Variants in LHFPL2 observed in about 807,000 individuals in gnomAD.
The protein encoded by LHFPL2 is LHFPL tetraspan subfamily member 2.
Under a neutral mutation model 17.5 loss-of-function variants are expected in LHFPL2, and 7 were observed. The ratio of observed to expected loss-of-function variants is 0.40; its 90% CI spans 0.23 to 0.75. LHFPL2 has a LOEUF of 0.75. Among genes scored for constraint, LHFPL2 ranks in the 30% least tolerant of loss-of-function variants. LHFPL2 has a pLI of 0.37. For missense variants in LHFPL2, 241 were observed against 294.8 expected (o/e 0.82, Z 1.34); for synonymous variants, 134 against 116.2 (o/e 1.15, Z -0.99).
At chr5:78,525,668 C>T (rs1345880591) in intron 3 of LHFPL2, among the ~76,000 whole-genome samples, 7 of 152,140 alleles carry the variant, frequency 4.6e-5, no homozygotes, top group Admixed American at 2.6e-4. Context: ...AGATGAAATG[C>T]GAAAACGGAT....
intron 1 of LHFPL2, among the ~76,000 whole-genome samples, chr5:78,645,586 ACACAC>A (rs1476334114): frequency 1.2e-3 from 155 of 125,134 alleles, no homozygotes; most frequent in Non-Finnish European, 2.2e-3. Context: ...ACACACACAC[ACACAC>A]ATTTTTTTTG....
chr5:78,514,118 C>G (rs1300643649), intron 3 of LHFPL2, among the ~76,000 whole-genome samples: 6 of 152,310 alleles, frequency 3.9e-5, no homozygotes, highest in Non-Finnish European at 8.8e-5. Flanking sequence ...CCCTCTTCGG[C>G]CTGGCATCCG....
intron 3 of LHFPL2, among the ~76,000 whole-genome samples, chr5:78,528,192 G>A (rs1755675182): frequency 6.6e-6 from 1 of 152,110 alleles, no homozygotes; most frequent in East Asian, 1.9e-4. Flanking sequence ...ACTCAACTCT[G>A]CTGACACACT....
At chr5:78,597,797 G>A (rs1743878666) in intron 2 of LHFPL2, among the ~76,000 whole-genome samples, 1 of 152,192 alleles carries the variant, frequency 6.6e-6, no homozygotes, top group Non-Finnish European at 1.5e-5. Flanking sequence ...CTGAACTCAA[G>A]CTATTTGTGA....
intron 1 of LHFPL2, among the ~76,000 whole-genome samples, chr5:78,647,921 C>A (rs992642970): frequency 1.3e-5 from 2 of 152,210 alleles, no homozygotes; most frequent in African/African-American, 4.8e-5. Context: ...GCCGCCCATC[C>A]CAGATGCGGT....
chr5:78,565,111 C>T (rs186363363), intron 2 of LHFPL2, among the ~76,000 whole-genome samples: 1 of 152,314 alleles, frequency 6.6e-6, no homozygotes, highest in Non-Finnish European at 1.5e-5. Context: ...GAATGTCCAG[C>T]TTGTGAACAT....
At chr5:78,643,695 G>A (rs1025301049) in intron 1 of LHFPL2, among the ~76,000 whole-genome samples, 6 of 152,072 alleles carry the variant, frequency 3.9e-5, no homozygotes, top group South Asian at 2.1e-4. Flanking sequence ...GTGCACCAAC[G>A]ACAGCCTGCT....
Position 78,648,147 on chromosome 5 carries a change from G to A in LHFPL2, c.-350+352C>T, listed in dbSNP as rs558136099. ...GCCCAGCTGCGCCTGGGACCCACGCGCCGCCGTCCGAAGCCCGCCAGCGAC... is the reference window on the plus strand; with the variant it reads ...GCCCAGCTGCGCCTGGGACCCACGCACCGCCGTCCGAAGCCCGCCAGCGAC... On this transcript the variant is annotated intron_variant, in intron 1 of 4. Coordinates refer to ENST00000380345, the MANE Select transcript of LHFPL2 (RefSeq NM_005779.3). This position sits in a 1 kb window ranked among gnomAD's most constrained non-coding sequence, Gnocchi z 5.4. Among the ~76,000 whole-genome samples, 108 of 152,246 alleles carry A rather than the reference G, an allele frequency of 7.1e-4. No individual in the cohort carries two copies. The highest frequency in any genetic ancestry group is 4.6e-3 in the South Asian group (22 of 4,824).
At chr5:78,579,589 G>A (rs1411073940) in intron 2 of LHFPL2, among the ~76,000 whole-genome samples, 1 of 151,750 alleles carries the variant, frequency 6.6e-6, no homozygotes, top group East Asian at 1.9e-4. Flanking sequence ...GAGAATATGC[G>A]GTGTTTGGTT....
chr5:78,565,754 G>A (rs1213999383), intron 2 of LHFPL2, among the ~76,000 whole-genome samples: 1 of 152,110 alleles, frequency 6.6e-6, no homozygotes, highest in Non-Finnish European at 1.5e-5. Flanking sequence ...TAGGATCCAG[G>A]GTTTCCAAAC....
chr5:78,519,360 C>G (rs1268474286), intron 3 of LHFPL2, among the ~76,000 whole-genome samples: 6 of 152,206 alleles, frequency 3.9e-5, no homozygotes, highest in Non-Finnish European at 2.9e-5. Context: ...CTGTACCCTA[C>G]AAGTGGGTGG....
At chr5:78,585,602 T>A (rs966794136) in intron 2 of LHFPL2, among the ~76,000 whole-genome samples, 7 of 151,816 alleles carry the variant, frequency 4.6e-5, no homozygotes, top group African/African-American at 1.5e-4. Context: ...CATACTGGAG[T>A]TGTTCCTATT....
chr5:78,532,631 A>T lies in LHFPL2; in HGVS notation c.-185-22233T>A, dbSNP rs544191892. On this transcript the variant is annotated intron_variant, in intron 3 of 4. Coordinates refer to ENST00000380345, the MANE Select transcript of LHFPL2 (RefSeq NM_005779.3). Reference sequence around the variant, plus strand: ...TTAGGTTTCAGTTAATAACTGATACATGCAGTTCTTCACTGAGATACTATG... The same window carrying T: ...TTAGGTTTCAGTTAATAACTGATACTTGCAGTTCTTCACTGAGATACTATG... Among the ~76,000 whole-genome samples, 3 of 152,318 alleles carry T rather than the reference A, an allele frequency of 2.0e-5. No homozygotes were observed. The East Asian group carries it at 5.8e-4, about 29-fold the overall frequency.
chr5:78,529,753 C>G (rs1755727039), intron 3 of LHFPL2, among the ~76,000 whole-genome samples: 1 of 152,108 alleles, frequency 6.6e-6, no homozygotes, highest in African/African-American at 2.4e-5. Context: ...ATTAGAGAGT[C>G]TCAAGGAAGG....
chr5:78,644,193 T>C (rs1745782614), intron 1 of LHFPL2: 1 of 584,726 alleles, frequency 1.7e-6, no homozygotes, highest in Non-Finnish European at 3.0e-6. Context: ...TTCAATTTCT[T>C]TAAAAGAAGT....
At chr5:78,511,107 A>G (rs374417490) in intron 3 of LHFPL2, among the ~76,000 whole-genome samples, 54,213 of 111,120 alleles carry the variant, frequency 0.49, 11,478 homozygotes, top group Non-Finnish European at 0.55. Context: ...TCAGAGGGGA[A>G]AAAAAAAAAA....
At chr5:78,515,849 G>A (rs1045797901) in intron 3 of LHFPL2, among the ~76,000 whole-genome samples, 1 of 152,188 alleles carries the variant, frequency 6.6e-6, no homozygotes, top group African/African-American at 2.4e-5. Flanking sequence ...GCAGAGGCAG[G>A]AGGAATGTGG....
chr5:78,624,034 A>T (rs1744950107), intron 2 of LHFPL2, among the ~76,000 whole-genome samples: 1 of 152,074 alleles, frequency 6.6e-6, no homozygotes, highest in African/African-American at 2.4e-5. Flanking sequence ...GATGAAATAC[A>T]CTCTTTTCAT....
intron 2 of LHFPL2, among the ~76,000 whole-genome samples, chr5:78,566,923 T>C (rs1296267582): frequency 6.6e-6 from 1 of 152,230 alleles, no homozygotes; most frequent in Non-Finnish European, 1.5e-5. Flanking sequence ...AATGGGTCTG[T>C]TATAAATGGA....
Sources: gnomAD v4.1 joint callset for allele counts (sites outside exome capture counted in the v4.1 genomes callset) on GRCh38, gnomAD v4.1.1 for gene constraint, Gnocchi (gnomAD v3.1) non-coding constraint, MANE v1.5 for transcripts, NCBI Gene and HGNC (gene_info 2026-07-23, HGNC 2026-07-21) for gene names.